Variants in ONECUT2 observed in about 807,000 individuals in gnomAD.
ONECUT2 encodes one cut domain family member 2.
Under a neutral mutation model 27.9 loss-of-function variants are expected in ONECUT2, and 10 were observed. That is an observed-to-expected ratio of 0.36 (90% CI 0.22 to 0.61). The LOEUF (loss-of-function observed/expected upper bound fraction) is 0.61, where lower values mean the gene tolerates loss of function less well. Ranked by LOEUF, ONECUT2 falls within the 20% of genes least tolerant of loss-of-function variation. The pLI is 0.73. For synonymous variants in ONECUT2, 334 were observed against 315.1 expected (o/e 1.06, Z -0.64); for missense variants, 686 against 721.0 (o/e 0.95, Z 0.56).
chr18:57,474,946 G>T (rs913110830), intron 1 of ONECUT2, among the ~76,000 whole-genome samples: 61 of 152,294 alleles, frequency 4.0e-4, no homozygotes, highest in African/African-American at 1.3e-3. Context: ...TGGATTCTGA[G>T]GGCGACTGCC....
chr18:57,461,243 A>T (rs544796348), intron 1 of ONECUT2, among the ~76,000 whole-genome samples: 1 of 151,680 alleles, frequency 6.6e-6, no homozygotes, highest in South Asian at 2.1e-4. Context: ...CATTATCTTC[A>T]TGCTGTTATG....
intron 1 of ONECUT2, among the ~76,000 whole-genome samples, chr18:57,464,181 C>G (rs759195166): frequency 2.6e-5 from 4 of 152,130 alleles, no homozygotes; most frequent in Non-Finnish European, 5.9e-5. Flanking sequence ...TAAGCTGCCT[C>G]ATAGGGTGGT....
At chr18:57,462,715 T>TTTTC (rs1598938908) in intron 1 of ONECUT2, among the ~76,000 whole-genome samples, 1 of 150,540 alleles carries the variant, frequency 6.6e-6, no homozygotes, top group East Asian at 1.9e-4. Context: ...CCCTATGTTA[T>TTTTC]TTTCTTTCTT....
chr18:57,452,717 G>A (rs1251479402), intron 1 of ONECUT2, among the ~76,000 whole-genome samples: 1 of 152,172 alleles, frequency 6.6e-6, no homozygotes, highest in Non-Finnish European at 1.5e-5. Context: ...GCGCCACCAC[G>A]CCTGGCCTCA....
chr18:57,451,906 G>T (rs2050232288), intron 1 of ONECUT2, among the ~76,000 whole-genome samples: 1 of 152,172 alleles, frequency 6.6e-6, no homozygotes, highest in Non-Finnish European at 1.5e-5. Context: ...TTACATGGCA[G>T]GAAGCATGGG....
chr18:57,457,964 G>A (rs1190625420), intron 1 of ONECUT2, among the ~76,000 whole-genome samples: 4 of 152,068 alleles, frequency 2.6e-5, no homozygotes, highest in Admixed American at 6.5e-5. Flanking sequence ...ACACACTGGG[G>A]CCTGTTGTGG....
intron 1 of ONECUT2, among the ~76,000 whole-genome samples, chr18:57,441,966 C>T (rs565422546): frequency 1.4e-4 from 22 of 152,174 alleles, no homozygotes; most frequent in Non-Finnish European, 2.8e-4. Context: ...ACCCCTGCCC[C>T]ACCCCTTCCC....
chr18:57,449,867 C>T (rs112940180), intron 1 of ONECUT2, among the ~76,000 whole-genome samples: 4 of 152,310 alleles, frequency 2.6e-5, no homozygotes, highest in African/African-American at 9.6e-5. Flanking sequence ...TTTCTGAACT[C>T]GATTTGCAAT....
intron 1 of ONECUT2, among the ~76,000 whole-genome samples, chr18:57,440,918 A>T (rs2050170774): frequency 6.6e-6 from 1 of 152,170 alleles, no homozygotes. Flanking sequence ...TACGGAACAG[A>T]CGATATGTTT....
intron 1 of ONECUT2, among the ~76,000 whole-genome samples, chr18:57,464,358 C>T (rs1279307965): frequency 6.6e-6 from 1 of 151,976 alleles, no homozygotes; most frequent in Non-Finnish European, 1.5e-5. Context: ...GTATTGGCTC[C>T]TTTTCCGATA....
chr18:57,436,739 C>A lies in ONECUT2; in HGVS notation c.1023C>A (p.Arg341=), dbSNP rs370321277. ...TCAACACCAAAGAGGTGGCCCAGCG[C>A]ATCACAGCGGAGCTGAAGCGCTACA... is the stretch of plus-strand genomic sequence containing the variant. The part of the protein sequence containing the change: ...EEINTKEVAQ[R]ITAELKRYSI... The change falls in exon 1 of 2, where the codon CGC becomes CGA. Residue 341 remains arginine (R), a synonymous_variant. Coordinates refer to ENST00000491143, the MANE Select transcript of ONECUT2 (RefSeq NM_004852.3). The surrounding 1 kb of genome is among the most constrained non-coding windows in gnomAD (Gnocchi z 5.9). The A allele has an allele frequency of 9.3e-6, 15 of 1,613,966 alleles. No homozygotes were observed. In the African/African-American group the frequency reaches 1.9e-4, roughly 20 times the overall value.
intron 1 of ONECUT2, among the ~76,000 whole-genome samples, chr18:57,445,428 G>C (rs1457894233): frequency 6.6e-6 from 1 of 152,146 alleles, no homozygotes; most frequent in Non-Finnish European, 1.5e-5. Context: ...TTTGCCTCCA[G>C]AACCATCGGC....
rs1293186761 is a variant in ONECUT2 at position 57,436,166 on chromosome 18, G to A, written c.450G>A (p.Thr150=). 2 of 1,606,086 alleles carry A rather than the reference G, an allele frequency of 1.2e-6. No individual in the cohort carries two copies. Among genetic ancestry groups the A allele is most frequent in the Middle Eastern group, 1.7e-4 (1 of 6,058 alleles). Residue 150 remains threonine, a synonymous_variant, in exon 1 of 2, where the codon ACG becomes ACA. Transcript: ENST00000491143. This position sits in a 1 kb window ranked among gnomAD's most constrained non-coding sequence, Gnocchi z 5.9. ...PGMGMSNTYT[T]LTPLQPLPPI... ...TGGGCATGAGCAACACCTACACCACGCTGACACCGCTCCAGCCGCTGCCAC... is the reference window on the plus strand; with the variant it reads ...TGGGCATGAGCAACACCTACACCACACTGACACCGCTCCAGCCGCTGCCAC...
chr18:57,457,757 T>C (rs1418104992), intron 1 of ONECUT2, among the ~76,000 whole-genome samples: 1 of 152,118 alleles, frequency 6.6e-6, no homozygotes, highest in Non-Finnish European at 1.5e-5. Context: ...ATTAAGAAAA[T>C]GTGACACATA....
At chr18:57,448,334 G>T (rs1210076572) in intron 1 of ONECUT2, among the ~76,000 whole-genome samples, 1 of 152,044 alleles carries the variant, frequency 6.6e-6, no homozygotes, top group Non-Finnish European at 1.5e-5. Flanking sequence ...TTTTTCCCCT[G>T]TGACAATTTA....
intron 1 of ONECUT2, among the ~76,000 whole-genome samples, chr18:57,445,989 C>T (rs1271563779): frequency 6.6e-6 from 1 of 152,220 alleles, no homozygotes; most frequent in Non-Finnish European, 1.5e-5. Flanking sequence ...CAGGGCAAGG[C>T]ATTTTTTGTT....
chr18:57,435,521 A>G lies in ONECUT2; in HGVS notation c.-196A>G, dbSNP rs1318250775. Among the ~76,000 whole-genome samples the G allele has an allele frequency of 1.9e-5, 1 of 53,470 alleles. No individual in the cohort carries two copies. Among genetic ancestry groups the G allele is most frequent in the Non-Finnish European group, 3.6e-5 (1 of 27,430 alleles). 35.1% of individuals were successfully genotyped at this position (53,470 alleles called of 152,430 possible). A position where few individuals can be genotyped will look rare whatever the true frequency, so the allele number is the denominator to read the frequency against. On this transcript the variant is annotated 5_prime_UTR_variant, in exon 1 of 2. Transcript: ENST00000491143. Reference sequence around the variant, plus strand: ...CCGTCCCCTCCCCTCTCCCGCACGCACGCCCCGTCCGCCCCCACCCCGCCC... The same window carrying G: ...CCGTCCCCTCCCCTCTCCCGCACGCGCGCCCCGTCCGCCCCCACCCCGCCC...
chr18:57,480,077 C>T lies in ONECUT2; in HGVS notation c.*3354C>T, dbSNP rs943485804. 5.3e-5 allele frequency: 8 copies of T among 152,190 alleles called. No homozygotes were observed. Among genetic ancestry groups the T allele is most frequent in the African/African-American group, 1.9e-4 (8 of 41,424 alleles). 9.4% of individuals were successfully genotyped at this position (152,190 alleles called of 1,614,324 possible). On this transcript the variant is annotated 3_prime_UTR_variant, in exon 2 of 2. Transcript: ENST00000491143. ...CAGGTTTTGGGGAGACTTCTGGAGTCCTGCCCCTAGAGAGCCCCATTGTTG... is the reference window on the plus strand; with the variant it reads ...CAGGTTTTGGGGAGACTTCTGGAGTTCTGCCCCTAGAGAGCCCCATTGTTG...
At chr18:57,475,363 G>A (rs756173010) in intron 1 of ONECUT2, among the ~76,000 whole-genome samples, 2 of 152,090 alleles carry the variant, frequency 1.3e-5, no homozygotes, top group Non-Finnish European at 2.9e-5. Flanking sequence ...GCCATTTCAA[G>A]TGATTATAAC....
Sources: allele counts gnomAD v4.1 joint callset (sites outside exome capture counted in the v4.1 genomes callset), GRCh38; gene constraint gnomAD v4.1.1; non-coding constraint Gnocchi (gnomAD v3.1); transcripts MANE v1.5; gene names NCBI Gene and HGNC (gene_info 2026-07-23, HGNC 2026-07-21).